The following ZNF385D variants were observed in gnomAD, a reference collection of about 807,000 sequenced individuals.
ZNF385D encodes zinc finger protein 659.
A neutral mutation model predicts 35.8 loss-of-function variants in ZNF385D; 15 were observed. That is an observed-to-expected ratio of 0.42 (90% confidence interval 0.28 to 0.64). The LOEUF (loss-of-function observed/expected upper bound fraction) is 0.64, where lower values mean the gene tolerates loss of function less well. Ranked by LOEUF, ZNF385D falls within the 30% of genes least tolerant of loss-of-function variation. The probability of loss-of-function intolerance (pLI) is 0.23; values close to 1 mark genes in which losing one functional copy is unlikely to be tolerated. For synonymous variants in ZNF385D, 212 were observed against 186.8 expected, an observed-to-expected ratio of 1.13 and a Z score of -1.10; for missense variants, 474 against 494.6, an observed-to-expected ratio of 0.96 and a Z score of 0.39.
At chr3:21,510,658 C>A (rs979225736) in intron 4 of ZNF385D, among the ~76,000 whole-genome samples, 2 of 152,042 alleles carry the variant, frequency 1.3e-5, no homozygotes, top group African/African-American at 4.8e-5. Context: ...TTGCAAAATG[C>A]AAAATCTGGA....
At chr3:22,110,091 T>C (rs6768206) in intron 3 of ZNF385D, among the ~76,000 whole-genome samples, 125,356 of 149,194 alleles carry the variant, frequency 0.84, 53,827 homozygotes, top group African/African-American at 0.96. Flanking sequence ...CAATGAGATA[T>C]CATCTCACAC....
chr3:21,927,905 G>C (rs1243349894), intron 3 of ZNF385D, among the ~76,000 whole-genome samples: 4 of 152,090 alleles, frequency 2.6e-5, no homozygotes, highest in Middle Eastern at 3.2e-3. Flanking sequence ...CAACTAGACA[G>C]AAAATCAGTA....
At chr3:21,434,485 A>G (rs1701455317) in intron 5 of ZNF385D, among the ~76,000 whole-genome samples, 2 of 152,218 alleles carry the variant, frequency 1.3e-5, no homozygotes, top group South Asian at 2.1e-4. Flanking sequence ...TAGGGAGAAG[A>G]TATAGAGGGA....
At chr3:22,201,977 C>T (rs1245466329) in intron 2 of ZNF385D, among the ~76,000 whole-genome samples, 1 of 151,884 alleles carries the variant, frequency 6.6e-6, no homozygotes, top group African/African-American at 2.4e-5. Context: ...GATAAAATGA[C>T]ATATTAAAAG....
At chr3:21,570,072 A>AAT (rs2063287066) in intron 2 of ZNF385D, among the ~76,000 whole-genome samples, 1 of 151,036 alleles carries the variant, frequency 6.6e-6, no homozygotes, top group Admixed American at 6.6e-5. Flanking sequence ...ATAATAATAA[A>AAT]AAAAATTACA....
chr3:22,095,589 A>G (rs889256007), intron 3 of ZNF385D, among the ~76,000 whole-genome samples: 1 of 152,076 alleles, frequency 6.6e-6, no homozygotes, highest in East Asian at 1.9e-4. Flanking sequence ...CATGGATACA[A>G]TCTCCTACTG....
intron 2 of ZNF385D, among the ~76,000 whole-genome samples, chr3:21,584,711 T>TAAAACAAATTTTC (rs1318058389): frequency 6.6e-6 from 1 of 152,222 alleles, no homozygotes; most frequent in Non-Finnish European, 1.5e-5. Context: ...TATCTTGATG[T>TAAAACAAATTTTC]AAAACAAATT....
At chr3:21,630,164 C>G (rs2065241211) in intron 2 of ZNF385D, among the ~76,000 whole-genome samples, 1 of 150,950 alleles carries the variant, frequency 6.6e-6, no homozygotes, top group South Asian at 2.1e-4. Context: ...AACCAGCATT[C>G]AAAATCAGGA....
chr3:21,592,094 C>T (rs548145128), intron 2 of ZNF385D, among the ~76,000 whole-genome samples: 6 of 152,110 alleles, frequency 3.9e-5, no homozygotes, highest in South Asian at 2.1e-4. Context: ...CATGCTGTGG[C>T]GATTAAGTGA....
intron 1 of ZNF385D, among the ~76,000 whole-genome samples, chr3:21,750,635 G>A (rs1263510214): frequency 6.6e-6 from 1 of 151,886 alleles, no homozygotes; most frequent in Non-Finnish European, 1.5e-5. Context: ...GCAAATCAAG[G>A]CAAAGTTTAC....
intron 1 of ZNF385D, among the ~76,000 whole-genome samples, chr3:21,696,445 T>A (rs1362016894): frequency 6.6e-6 from 1 of 152,214 alleles, no homozygotes; most frequent in Non-Finnish European, 1.5e-5. Context: ...TATTATTATA[T>A]TCATTGTGTT....
At chr3:22,142,351 G>T (rs966258714) in intron 3 of ZNF385D, among the ~76,000 whole-genome samples, 3 of 151,966 alleles carry the variant, frequency 2.0e-5, no homozygotes, top group Admixed American at 2.0e-4. Flanking sequence ...TGGTTTATTC[G>T]ATATTATCTC....
At chr3:22,076,556 C>T (rs1458842050) in intron 3 of ZNF385D, among the ~76,000 whole-genome samples, 2 of 151,940 alleles carry the variant, frequency 1.3e-5, no homozygotes, top group East Asian at 1.9e-4. Context: ...TATATAATCA[C>T]AAACTACAAT....
intron 2 of ZNF385D, among the ~76,000 whole-genome samples, chr3:22,330,662 C>G (rs1244302145): frequency 6.6e-6 from 1 of 152,148 alleles, no homozygotes; most frequent in African/African-American, 2.4e-5. Context: ...TTCTCCTAGC[C>G]CATGAGCTCC....
intron 3 of ZNF385D, among the ~76,000 whole-genome samples, chr3:22,063,334 T>A (rs1292034739): frequency 1.3e-5 from 2 of 152,164 alleles, no homozygotes; most frequent in Non-Finnish European, 2.9e-5. Context: ...CCAACAAACA[T>A]ACATCATTTT....
At chr3:21,897,791 A>G (rs759525638) in intron 3 of ZNF385D, among the ~76,000 whole-genome samples, 12 of 152,286 alleles carry the variant, frequency 7.9e-5, no homozygotes, top group South Asian at 2.1e-4. Context: ...AGAACTTCAT[A>G]TAGATGCATT....
intron 3 of ZNF385D, among the ~76,000 whole-genome samples, chr3:21,831,501 G>C (rs1463438770): frequency 2.0e-5 from 3 of 152,110 alleles, no homozygotes; most frequent in Non-Finnish European, 2.9e-5. Context: ...GCTAGTGGCG[G>C]TGCTCGAACT....
chr3:22,151,042 C>T (rs1225698918), intron 3 of ZNF385D, among the ~76,000 whole-genome samples: 1 of 152,100 alleles, frequency 6.6e-6, no homozygotes, highest in East Asian at 1.9e-4. Context: ...ATAAAATCTT[C>T]TTTTTTAGAT....
intron 3 of ZNF385D, among the ~76,000 whole-genome samples, chr3:21,969,287 A>AG (rs1703098280): frequency 6.6e-6 from 1 of 152,054 alleles, no homozygotes; most frequent in Non-Finnish European, 1.5e-5. Context: ...CCACGTGTTA[A>AG]GGGAAAGACC....
Sources: allele counts gnomAD v4.1 joint callset (sites outside exome capture counted in the v4.1 genomes callset), GRCh38; gene constraint gnomAD v4.1.1; transcripts MANE v1.5; gene names NCBI Gene and HGNC (gene_info 2026-07-23, HGNC 2026-07-21).